The following SLFN12L variants were observed in gnomAD, a reference collection of about 807,000 sequenced individuals.
SLFN12L encodes schlafen family member 12 like.
A neutral mutation model predicts 34.8 loss-of-function variants in SLFN12L; 34 were observed. The ratio of observed to expected loss-of-function variants is 0.98; its 90% CI spans 0.74 to 1.30. The LOEUF is 1.30. Among genes scored for constraint, SLFN12L ranks in the 50% most tolerant of loss-of-function variants. The pLI is 0.00. For missense variants in SLFN12L, 703 were observed against 696.2 expected (o/e 1.01, Z -0.11); for synonymous variants, 259 against 247.5 (o/e 1.05, Z -0.44).
rs1479274189 is a variant in SLFN12L at position 35,475,097 on chromosome 17, T to C, written c.1665A>G (p.Leu555=). The C allele has an allele frequency of 3.7e-6, 6 of 1,614,160 alleles. No individual in the cohort carries two copies. Among genetic ancestry groups the C allele is most frequent in the Non-Finnish European group, 5.1e-6 (6 of 1,179,958 alleles). Residue 555 remains leucine, a synonymous_variant, in exon 5 of 5, where the codon TTA becomes TTG. Transcript: ENST00000628453. ...PEGKTSCQYD[L]NSQVIYPESY... Reference sequence around the variant, plus strand: ...ATTCAGGGTAAATTACTTGCGAGTTTAAATCATACTGGCAGCTTGTCTTGC... The same window carrying C: ...ATTCAGGGTAAATTACTTGCGAGTTCAAATCATACTGGCAGCTTGTCTTGC...
At position 35,479,673 on chromosome 17, in the gene SLFN12L, T is replaced by A. The variant is rs780691780; in HGVS notation, c.609A>T (p.Glu203Asp). 6.2e-7 allele frequency: 1 copy of A among 1,612,354 alleles called. No homozygotes were observed. Among genetic ancestry groups the A allele is most frequent in the African/African-American group, 1.3e-5 (1 of 74,904 alleles). The change falls in exon 3 of 5, where the codon GAA (glutamate) becomes GAT (aspartate). Residue 203 changes from glutamate to aspartate, a missense_variant. Transcript: ENST00000628453. ...KTGGRAYLRP[E>D]FPAKRACVDV... ...CAACACAGGCCCTTTTTGCAGGGAA[T>A]TCTGGTCTTAAATATGCTCTCCCTC...
At position 35,469,933 on chromosome 17, in the gene SLFN12L, G is replaced by A. The variant is rs1042433068; in HGVS notation, c.*4990C>T. On this transcript the variant is annotated 3_prime_UTR_variant, in exon 5 of 5. Coordinates refer to ENST00000628453, the MANE Select transcript of SLFN12L (RefSeq NM_001363830.2). Reference sequence around the variant, plus strand: ...CAGAAACCCTAATAATAAAGGTTCCGAATTAGATTTTCCCCTCACTTCTGC... The same window carrying A: ...CAGAAACCCTAATAATAAAGGTTCCAAATTAGATTTTCCCCTCACTTCTGC... 3 of 152,190 alleles carry A rather than the reference G, an allele frequency of 2.0e-5. No homozygotes were observed. Among genetic ancestry groups the A allele is most frequent in the South Asian group, 2.1e-4 (1 of 4,824 alleles). The allele number at this position is 152,190 out of a possible 1,614,324, so 9.4% of individuals were successfully genotyped here. A position where few individuals can be genotyped will look rare whatever the true frequency, so the allele number is the denominator to read the frequency against.
At position 35,479,776 on chromosome 17, in the gene SLFN12L, T is replaced by A; in HGVS notation, c.506A>T (p.Tyr169Phe). 2 of 1,613,822 alleles carry A rather than the reference T, an allele frequency of 1.2e-6. No individual in the cohort carries two copies. Among genetic ancestry groups the A allele is most frequent in the Non-Finnish European group, 1.7e-6 (2 of 1,179,818 alleles). The change falls in exon 3 of 5, where the codon TAC becomes TTC. Residue 169 changes from tyrosine to phenylalanine, a missense_variant. Physicochemically the swap from Tyr to Phe is conservative, Grantham distance 22 (BLOSUM62 3). Transcript: ENST00000628453. Reference sequence around the variant, plus strand: ...TTTTGCAGACGTTACATCTCTCTTGTACAAACTGGAGCTCAACGTGGCAAT... The same window carrying A: ...TTTTGCAGACGTTACATCTCTCTTGAACAAACTGGAGCTCAACGTGGCAAT... ...PQIATLSSSL[Y>F]KRDVTSAKVM...
At chr17:35,495,900 A>AAC (rs58553128) in intron 2 of SLFN12L, among the ~76,000 whole-genome samples, 11,434 of 137,878 alleles carry the variant, frequency 0.083, 535 homozygotes, top group East Asian at 0.15. Flanking sequence ...GCCGATTTGA[A>AAC]ACACACACAC....
At chr17:35,514,829 T>C in intron 2 of SLFN12L, 1 of 396,708 alleles carries the variant, frequency 2.5e-6, no homozygotes, top group South Asian at 2.1e-5. Context: ...TGGTAGGGGC[T>C]TTGTCAGAAG....
intron 2 of SLFN12L, chr17:35,489,943 C>T (rs1914764528): frequency 1.5e-6 from 2 of 1,326,792 alleles, no homozygotes; most frequent in Admixed American, 1.8e-5. Context: ...ACAAAAATCC[C>T]ACAACCAGTC....
At chr17:35,475,532 A>C in intron 4 of SLFN12L, 47 bp from the exon 5 acceptor site, 1 of 1,492,426 alleles carries the variant, frequency 6.7e-7, no homozygotes, top group Non-Finnish European at 8.9e-7. Context: ...AGAACTTCCA[A>C]CTTAAGCCAT....
intron 1 of SLFN12L, among the ~76,000 whole-genome samples, chr17:35,530,533 AAAAGAAAAGAAAG>A (rs2072400379): frequency 2.9e-5 from 1 of 34,646 alleles, no homozygotes; most frequent in African/African-American, 5.3e-5. Flanking sequence ...AAAAGAAAAG[AAAAGAAAAGAAAG>A]AAAGAAAGAA....
chr17:35,499,281 A>G, intron 2 of SLFN12L: 1 of 760,640 alleles, frequency 1.3e-6, no homozygotes, highest in Non-Finnish European at 1.9e-6. Flanking sequence ...AATTTTCCTC[A>G]TCATATAGCT....
At chr17:35,517,582 T>TGC (rs1915872062) in intron 2 of SLFN12L, among the ~76,000 whole-genome samples, 1 of 152,070 alleles carries the variant, frequency 6.6e-6, no homozygotes, top group African/African-American at 2.4e-5. Context: ...AAAGAGCCCA[T>TGC]ATAGCCAAGA....
At chr17:35,519,897 G>A (rs1391546231) in intron 2 of SLFN12L, among the ~76,000 whole-genome samples, 1 of 152,156 alleles carries the variant, frequency 6.6e-6, no homozygotes, top group Non-Finnish European at 1.5e-5. Context: ...GAATTTGCAA[G>A]CATAATGGAA....
At chr17:35,482,134 G>A (rs1914367784) in intron 2 of SLFN12L, among the ~76,000 whole-genome samples, 1 of 152,206 alleles carries the variant, frequency 6.6e-6, no homozygotes, top group South Asian at 2.1e-4. Context: ...CCAAAGTTTT[G>A]GGATTACAGG....
chr17:35,494,334 T>G (rs1914960280), intron 2 of SLFN12L, among the ~76,000 whole-genome samples: 1 of 152,178 alleles, frequency 6.6e-6, no homozygotes, highest in Non-Finnish European at 1.5e-5. Flanking sequence ...TGGGTGTAAT[T>G]TGAATAACTT....
chr17:35,500,212 G>A (rs1345553275), intron 2 of SLFN12L: 1 of 152,066 alleles, frequency 6.6e-6, no homozygotes, highest in African/African-American at 2.4e-5. Flanking sequence ...TACTGCAACC[G>A]AGACAGTATA....
rs537462462 is a variant in SLFN12L, at chr17:35,469,765, C to A, written c.*5158G>T. Among the ~76,000 whole-genome samples the A allele has an allele frequency of 2.7e-4, 41 of 152,214 alleles. No individual in the cohort carries two copies. The highest frequency in any genetic ancestry group is 9.4e-4 in the African/African-American group (39 of 41,540). ...CTCATACTCTAAGCTACTCACACAT[C>A]GAGCCAATATTTTCCCTACCCTACA... On this transcript the variant is annotated 3_prime_UTR_variant, in exon 5 of 5. Coordinates refer to ENST00000628453, the MANE Select transcript of SLFN12L (RefSeq NM_001363830.2).
At chr17:35,485,932 A>C (rs1043303702) in intron 2 of SLFN12L, among the ~76,000 whole-genome samples, 1 of 152,300 alleles carries the variant, frequency 6.6e-6, no homozygotes, top group Non-Finnish European at 1.5e-5. Context: ...AATGTGGTGT[A>C]AGGCTCCCTA....
intron 1 of SLFN12L, among the ~76,000 whole-genome samples, chr17:35,535,701 G>C (rs933826449): frequency 1.3e-5 from 2 of 151,998 alleles, no homozygotes; most frequent in African/African-American, 4.8e-5. Context: ...TGCCGCCAAG[G>C]CTCGAAGGCA....
At chr17:35,506,047 G>A (rs532236123) in intron 2 of SLFN12L, among the ~76,000 whole-genome samples, 51 of 152,230 alleles carry the variant, frequency 3.4e-4, no homozygotes, top group Admixed American at 1.0e-3. Context: ...ATGTAGCCCA[G>A]GAAATGACCA....
chr17:35,519,903 T>C lies in SLFN12L; in HGVS notation c.86+2376A>G, dbSNP rs373734960. ...TTAAAAGTTGAATTTGCAAGCATAATGGAATGGCAGGTCAGCCGCACCTCA... is the reference window on the plus strand; with the variant it reads ...TTAAAAGTTGAATTTGCAAGCATAACGGAATGGCAGGTCAGCCGCACCTCA... On this transcript the variant is annotated intron_variant, in intron 2 of 4. Coordinates refer to ENST00000628453, the MANE Select transcript of SLFN12L (RefSeq NM_001363830.2). 3.9e-4 allele frequency among the ~76,000 whole-genome samples: 59 copies of C among 152,244 alleles called. No homozygotes were observed. In the South Asian group the frequency reaches 9.5e-3, roughly 25 times the overall value.
Sources: gnomAD v4.1 joint callset for allele counts (sites outside exome capture counted in the v4.1 genomes callset) on GRCh38, gnomAD v4.1.1 for gene constraint, MANE v1.5 for transcripts, NCBI Gene and HGNC (gene_info 2026-07-23, HGNC 2026-07-21) for gene names.